TTC28: variants seen among roughly 807,000 people sequenced by gnomAD.
TTC28 encodes the protein tetratricopeptide repeat domain 28.
TTC28 carries 61 observed loss-of-function variants against 198.0 expected under a neutral mutation model. The ratio of observed to expected loss-of-function variants is 0.31; its 90% CI spans 0.25 to 0.38. The LOEUF is 0.38. Ranked by LOEUF, TTC28 falls within the 10% of genes least tolerant of loss-of-function variation. TTC28 has a pLI of 1.00. For missense variants in TTC28, 2,678 were observed against 3,164.0 expected, an observed-to-expected ratio of 0.85 and a Z score of 3.69; for synonymous variants, 1,171 against 1,297.8, an observed-to-expected ratio of 0.90 and a Z score of 2.10.
At chr22:28,337,587 T>A (rs1169111891) in intron 2 of TTC28, among the ~76,000 whole-genome samples, 2 of 152,260 alleles carry the variant, frequency 1.3e-5, no homozygotes, top group Non-Finnish European at 2.9e-5. Context: ...CCCTTTACCA[T>A]TATGTAATGG....
chr22:28,248,187 C>G (rs1363759280), intron 5 of TTC28, among the ~76,000 whole-genome samples: 1 of 152,146 alleles, frequency 6.6e-6, no homozygotes, highest in Non-Finnish European at 1.5e-5. Context: ...ATGGAAACAG[C>G]ATGTGTTCTT....
chr22:28,413,405 G>A (rs552539760), intron 2 of TTC28, among the ~76,000 whole-genome samples: 1 of 152,004 alleles, frequency 6.6e-6, no homozygotes, highest in Non-Finnish European at 1.5e-5. Flanking sequence ...GCGACTGAGC[G>A]AGACTCTGTC....
At chr22:28,602,932 T>C (rs909225563) in intron 2 of TTC28, among the ~76,000 whole-genome samples, 3 of 152,166 alleles carry the variant, frequency 2.0e-5, no homozygotes, top group Non-Finnish European at 2.9e-5. Context: ...CAGGCTGGAG[T>C]GCAGTGGTAC....
chr22:28,579,004 T>C (rs1452235548), intron 2 of TTC28, among the ~76,000 whole-genome samples: 1 of 151,890 alleles, frequency 6.6e-6, no homozygotes, highest in Non-Finnish European at 1.5e-5. Context: ...CAAACATATA[T>C]ATGCAAGTAC....
chr22:28,089,388 A>G lies in TTC28; in HGVS notation c.3932+4692T>C, dbSNP rs1041354180. Among the ~76,000 whole-genome samples, 124 of 151,962 alleles carry G rather than the reference A, an allele frequency of 8.2e-4. 1 individual carries two copies. The highest frequency in any genetic ancestry group is 1.6e-3 in the Non-Finnish European group (109 of 67,984). ...AGGGACATGGATGAAATTGGAAATCATCATTCTCAGTAAACTATCGCAAGA... is the reference window on the plus strand; with the variant it reads ...AGGGACATGGATGAAATTGGAAATCGTCATTCTCAGTAAACTATCGCAAGA... On this transcript the variant is annotated intron_variant, in intron 12 of 22. Coordinates refer to ENST00000397906, the MANE Select transcript of TTC28 (RefSeq NM_001145418.2).
In TTC28 at chr22:28,515,172, A is replaced by G. The variant is rs1041286312; in HGVS notation, c.381+114380T>C. On this transcript the variant is annotated intron_variant, in intron 2 of 22. Transcript: ENST00000397906. ...TTAAATCAATTATGAAATAAAAATCAAAGCAATTTTTCTATTAAAGAAAAG... is the reference window on the plus strand; with the variant it reads ...TTAAATCAATTATGAAATAAAAATCGAAGCAATTTTTCTATTAAAGAAAAG... Among the ~76,000 whole-genome samples, 3 of 152,218 alleles carry G rather than the reference A, an allele frequency of 2.0e-5. No individual in the cohort carries two copies. The East Asian group carries it at 5.8e-4, about 29-fold the overall frequency.
rs1003729956 is a variant in TTC28 at position 27,990,132 on chromosome 22, C to T, written c.5578-125G>A. On this transcript the variant is annotated intron_variant, in intron 20 of 22. Transcript: ENST00000397906. ...GCTAATGACCCTCTCATGAGTGTAGCATTTGAGATTCTTTTTCAGGTGCAT... is the reference window on the plus strand; with the variant it reads ...GCTAATGACCCTCTCATGAGTGTAGTATTTGAGATTCTTTTTCAGGTGCAT... 27 of 1,276,170 alleles carry T rather than the reference C, an allele frequency of 2.1e-5. No individual in the cohort carries two copies. In the African/African-American group the frequency reaches 3.1e-4, roughly 15 times the overall value. The allele number at this position is 1,276,170 out of a possible 1,614,324, so 79.1% of individuals were successfully genotyped here.
intron 2 of TTC28, among the ~76,000 whole-genome samples, chr22:28,405,798 T>A (rs1306776079): frequency 6.6e-6 from 1 of 152,252 alleles, no homozygotes; most frequent in Non-Finnish European, 1.5e-5. Flanking sequence ...CAGTTTACCA[T>A]TGCCATGGTA....
chr22:28,556,575 TG>T (rs2049790268), intron 2 of TTC28, among the ~76,000 whole-genome samples: 1 of 152,228 alleles, frequency 6.6e-6, no homozygotes, highest in South Asian at 2.1e-4. Flanking sequence ...TTGTCTTTGA[TG>T]TTCTTTAGTA....
At chr22:28,015,365 A>G (rs1938325605) in intron 13 of TTC28, among the ~76,000 whole-genome samples, 1 of 147,416 alleles carries the variant, frequency 6.8e-6, no homozygotes, top group Non-Finnish European at 1.5e-5. Context: ...CTGGACAGAC[A>G]GTGATTTTTT....
At chr22:28,326,777 T>C (rs1204938305) in intron 2 of TTC28, among the ~76,000 whole-genome samples, 2 of 152,164 alleles carry the variant, frequency 1.3e-5, no homozygotes, top group East Asian at 3.8e-4. Context: ...TGATTTTTAT[T>C]ACTAGCATTT....
chr22:28,200,786 T>C (rs1396840687), intron 5 of TTC28, among the ~76,000 whole-genome samples: 1 of 152,150 alleles, frequency 6.6e-6, no homozygotes, highest in Non-Finnish European at 1.5e-5. Context: ...GGAGCACTGC[T>C]AGGTAGGAGC....
intron 2 of TTC28, among the ~76,000 whole-genome samples, chr22:28,511,537 C>T (rs1226199237): frequency 6.6e-6 from 1 of 152,082 alleles, no homozygotes; most frequent in Non-Finnish European, 1.5e-5. Flanking sequence ...AAATGTAAAA[C>T]CCAAAACTAT....
chr22:28,611,769 T>C (rs1345941197), intron 2 of TTC28, among the ~76,000 whole-genome samples: 1 of 150,684 alleles, frequency 6.6e-6, no homozygotes. Context: ...TTTGGTTTTT[T>C]GTTCTTGCGA....
intron 5 of TTC28, among the ~76,000 whole-genome samples, chr22:28,204,240 A>G (rs1449713040): frequency 2.0e-5 from 3 of 152,246 alleles, no homozygotes; most frequent in African/African-American, 4.8e-5. Flanking sequence ...GGCACTTAGA[A>G]CTGAACTCAA....
intron 2 of TTC28, among the ~76,000 whole-genome samples, chr22:28,393,687 C>G (rs1249355165): frequency 1.3e-5 from 2 of 152,102 alleles, no homozygotes; most frequent in East Asian, 3.8e-4. Context: ...GAGGGAGACC[C>G]TGTCTTAAAA....
At chr22:28,349,726 T>G (rs1267538119) in intron 2 of TTC28, among the ~76,000 whole-genome samples, 3 of 152,238 alleles carry the variant, frequency 2.0e-5, no homozygotes, top group Non-Finnish European at 2.9e-5. Context: ...TAAAGTGTAT[T>G]AGAAACATTA....
intron 14 of TTC28, chr22:28,007,752 G>A (rs1488294615): frequency 6.6e-6 from 1 of 152,204 alleles, no homozygotes; most frequent in African/African-American, 2.4e-5. Flanking sequence ...AATAGAGCCA[G>A]CACGCAGATG....
intron 5 of TTC28, among the ~76,000 whole-genome samples, chr22:28,187,707 G>C (rs1924331675): frequency 6.6e-6 from 1 of 152,188 alleles, no homozygotes; most frequent in Non-Finnish European, 1.5e-5. Context: ...AGGTACTTGA[G>C]AGCAATCTGG....
Sources: gnomAD v4.1 joint callset for allele counts (sites outside exome capture counted in the v4.1 genomes callset) on GRCh38, gnomAD v4.1.1 for gene constraint, MANE v1.5 for transcripts, NCBI Gene and HGNC (gene_info 2026-07-23, HGNC 2026-07-21) for gene names.